Variants in ASXL3 observed in about 807,000 individuals in gnomAD.
ASXL3 encodes the protein ASXL transcriptional regulator 3.
ASXL3 carries 34 observed loss-of-function variants against 170.6 expected under a neutral mutation model. The observed-to-expected ratio is 0.20, with a 90% CI of 0.15 to 0.27. The LOEUF (loss-of-function observed/expected upper bound fraction) is 0.27, where lower values mean the gene tolerates loss of function less well. Ranked by LOEUF, ASXL3 falls within the 10% of genes least tolerant of loss-of-function variation. The probability of loss-of-function intolerance (pLI) is 1.00; values close to 1 mark genes in which losing one functional copy is unlikely to be tolerated. For synonymous variants in ASXL3, 1,002 were observed against 989.1 expected (o/e 1.01, Z -0.24); for missense variants, 2,592 against 2,695.3 (o/e 0.96, Z 0.85).
chr18:33,726,368 C>T (rs1423415691), intron 8 of ASXL3, among the ~76,000 whole-genome samples: 1 of 151,988 alleles, frequency 6.6e-6, no homozygotes, highest in African/African-American at 2.4e-5. Context: ...ACTAGTGTTC[C>T]TGGTAGATCT....
chr18:33,749,206 G>A lies in ASXL3; in HGVS notation c.*2611G>A, dbSNP rs777603021. Reference sequence around the variant, plus strand: ...AGAGAAATTTAGATGTAAAATGTGGGTCAGATATTTTATAGGTTTCCATTT... The same window carrying A: ...AGAGAAATTTAGATGTAAAATGTGGATCAGATATTTTATAGGTTTCCATTT... On this transcript the variant is annotated 3_prime_UTR_variant, in exon 12 of 12. Transcript: ENST00000269197. 9.2e-5 allele frequency: 14 copies of A among 151,664 alleles called. No individual in the cohort carries two copies. The highest frequency in any genetic ancestry group is 1.8e-4 in the Non-Finnish European group (12 of 67,976). 9.4% of individuals were successfully genotyped at this position (151,664 alleles called of 1,614,324 possible).
intron 8 of ASXL3, among the ~76,000 whole-genome samples, chr18:33,723,174 C>G (rs1265618045): frequency 1.3e-5 from 2 of 152,060 alleles, no homozygotes; most frequent in African/African-American, 2.4e-5. Context: ...GCATATGGAT[C>G]AAGGAGTAAT....
intron 8 of ASXL3, among the ~76,000 whole-genome samples, chr18:33,722,661 G>GGCTGATGTAGAAGCCACAGCAA (rs1568349151): frequency 6.6e-6 from 1 of 152,122 alleles, no homozygotes; most frequent in African/African-American, 2.4e-5. Flanking sequence ...AAACGGCAGT[G>GGCTGATGTAGAAGCCACAGCAA]GCTGATGTAG....
intron 1 of ASXL3, among the ~76,000 whole-genome samples, chr18:33,607,287 A>G: frequency 6.6e-6 from 1 of 152,002 alleles, no homozygotes; most frequent in Non-Finnish European, 1.5e-5. Flanking sequence ...AATTTTAGCA[A>G]CTTTTTAAAT....
chr18:33,700,616 G>T (rs41507349), intron 8 of ASXL3, among the ~76,000 whole-genome samples: 1 of 151,992 alleles, frequency 6.6e-6, no homozygotes, highest in Admixed American at 6.6e-5. Flanking sequence ...GTGAGAAAGT[G>T]AGTTCACTGA....
At position 33,725,617 on chromosome 18, in the gene ASXL3, T is replaced by C. The variant is rs76587074; in HGVS notation, c.880-6351T>C. On this transcript the variant is annotated intron_variant, in intron 8 of 11. Coordinates refer to ENST00000269197, the MANE Select transcript of ASXL3 (RefSeq NM_030632.3). Reference sequence around the variant, plus strand: ...TAATCATTCCTATTTGAAAACAATATTTACCATTGAGCATCTTGCCCTATT... The same window carrying C: ...TAATCATTCCTATTTGAAAACAATACTTACCATTGAGCATCTTGCCCTATT... 5.9e-3 allele frequency among the ~76,000 whole-genome samples: 897 copies of C among 152,316 alleles called. 9 individuals carry two copies. The highest frequency in any genetic ancestry group is 0.02 in the African/African-American group (851 of 41,580).
Position 33,743,361 on chromosome 18 carries a change from G to A in ASXL3, c.3513G>A (p.Lys1171=). ...VNPNCRSPSN[K]SAHLRETTTV... ...CAAACTGTAGATCTCCTAGCAACAA[G>A]TCTGCCCACCTCCGGGAGACCACCA... The change falls in exon 12 of 12, where the codon AAG becomes AAA. Residue 1171 remains lysine, a synonymous_variant. Transcript: ENST00000269197. 8.1e-6 allele frequency: 13 copies of A among 1,613,562 alleles called. No individual in the cohort carries two copies. The highest frequency in any genetic ancestry group is 1.1e-5 in the Non-Finnish European group (13 of 1,179,882).
intron 2 of ASXL3, among the ~76,000 whole-genome samples, chr18:33,639,377 T>C (rs965797294): frequency 2.0e-5 from 3 of 152,126 alleles, no homozygotes; most frequent in Non-Finnish European, 4.4e-5. Context: ...TTCCTCGTTG[T>C]TCGCCACCGC....
intron 2 of ASXL3, among the ~76,000 whole-genome samples, chr18:33,628,602 A>G (rs1187870170): frequency 6.6e-6 from 1 of 152,186 alleles, no homozygotes; most frequent in Non-Finnish European, 1.5e-5. Context: ...CCCACACTGG[A>G]TCCTAGAAAC....
intron 2 of ASXL3, among the ~76,000 whole-genome samples, chr18:33,618,653 G>T (rs2065465165): frequency 6.6e-6 from 1 of 151,932 alleles, no homozygotes. Context: ...GAAGTTGTGG[G>T]GGTTAATAGA....
intron 2 of ASXL3, among the ~76,000 whole-genome samples, chr18:33,629,422 G>T (rs1400474609): frequency 6.6e-6 from 1 of 152,022 alleles, no homozygotes. Flanking sequence ...TGTGTTTTTA[G>T]GAAGATTGAA....
chr18:33,620,734 G>A (rs1293556015), intron 2 of ASXL3, among the ~76,000 whole-genome samples: 3 of 152,262 alleles, frequency 2.0e-5, no homozygotes, highest in African/African-American at 2.4e-5. Context: ...ATGAGGGATT[G>A]TGAAATAGTC....
At chr18:33,740,926 C>T (rs2067651889) in intron 11 of ASXL3, among the ~76,000 whole-genome samples, 1 of 152,074 alleles carries the variant, frequency 6.6e-6, no homozygotes, top group Admixed American at 6.5e-5. Context: ...TGGATTATTC[C>T]ATCATAGCAT....
In ASXL3 at chr18:33,708,008, T is replaced by C. The variant is rs191583203; in HGVS notation, c.880-23960T>C. Among the ~76,000 whole-genome samples, 321 of 152,294 alleles carry C rather than the reference T, an allele frequency of 2.1e-3. 1 individual carries two copies. Among genetic ancestry groups the C allele is most frequent in the African/African-American group, 7.5e-3 (311 of 41,600 alleles). ...ACATACACATGCCCATGCATGCTCA[T>C]GTAAATGCAGTTTGCTAATATTTTG... On this transcript the variant is annotated intron_variant, in intron 8 of 11. Transcript: ENST00000269197.
At chr18:33,691,935 C>T (rs921261593) in intron 8 of ASXL3, among the ~76,000 whole-genome samples, 1 of 152,116 alleles carries the variant, frequency 6.6e-6, no homozygotes, top group Non-Finnish European at 1.5e-5. Context: ...ATGCTCTAAA[C>T]GGTATTATCA....
intron 7 of ASXL3, among the ~76,000 whole-genome samples, chr18:33,676,222 C>CA (rs568221465): frequency 0.068 from 2,780 of 40,736 alleles, 245 homozygotes; most frequent in Non-Finnish European, 0.085. Context: ...GACTCCGTCT[C>CA]AAAAAAAAAA....
chr18:33,667,393 C>T (rs1459097433), intron 5 of ASXL3, among the ~76,000 whole-genome samples: 1 of 152,180 alleles, frequency 6.6e-6, no homozygotes, highest in East Asian at 1.9e-4. Context: ...TATTTGACCT[C>T]ATGTTTTTAA....
chr18:33,634,268 G>A (rs1181290825), intron 2 of ASXL3, among the ~76,000 whole-genome samples: 1 of 150,338 alleles, frequency 6.7e-6, no homozygotes, highest in East Asian at 1.9e-4. Context: ...ATACAGCAGA[G>A]TACCCACGTT....
rs1170115303 is a variant in ASXL3 at position 33,578,481 on chromosome 18, C to T, written c.-151C>T. The stretch of plus-strand genomic sequence containing the variant: ...CACCCGCCGCCGCCGCCGCCGCCGC[C>T]GCCGCCGCCGCCGCCGCCACCGCCC... On this transcript the variant is annotated 5_prime_UTR_variant, in exon 1 of 12. Coordinates refer to ENST00000269197, the MANE Select transcript of ASXL3 (RefSeq NM_030632.3). 7 of 243,270 alleles carry T rather than the reference C, an allele frequency of 2.9e-5. No homozygotes were observed. Among genetic ancestry groups the T allele is most frequent in the South Asian group, 2.9e-4 (2 of 6,872 alleles). The allele number at this position is 243,270 out of a possible 1,614,324, so 15.1% of individuals were successfully genotyped here. A position where few individuals can be genotyped will look rare whatever the true frequency, so the allele number is the denominator to read the frequency against.
Sources: gnomAD v4.1 joint callset for allele counts (sites outside exome capture counted in the v4.1 genomes callset) on GRCh38, gnomAD v4.1.1 for gene constraint, MANE v1.5 for transcripts, NCBI Gene and HGNC (gene_info 2026-07-23, HGNC 2026-07-21) for gene names.